NELL2: variants seen among roughly 807,000 people sequenced by gnomAD.
The protein encoded by NELL2 is neural EGFL like 2.
A neutral mutation model predicts 109.6 loss-of-function variants in NELL2; 41 were observed. The observed-to-expected ratio is 0.37, with a 90% confidence interval of 0.29 to 0.49. The LOEUF (loss-of-function observed/expected upper bound fraction) is 0.49. NELL2 is among the 20% of genes least tolerant of loss of function. NELL2 has a pLI of 0.98. For missense variants in NELL2, 900 were observed against 1,008.3 expected, an observed-to-expected ratio of 0.89 and a Z score of 1.45; for synonymous variants, 355 against 344.7, an observed-to-expected ratio of 1.03 and a Z score of -0.33.
intron 9 of NELL2, among the ~76,000 whole-genome samples, chr12:44,736,437 TA>T (rs939360259): frequency 4.6e-5 from 7 of 152,110 alleles, no homozygotes; most frequent in African/African-American, 1.7e-4. Context: ...TCTAGCATTC[TA>T]AAGGGCAAAG....
intron 13 of NELL2, among the ~76,000 whole-genome samples, chr12:44,656,924 T>G (rs887324232): frequency 6.6e-6 from 1 of 152,202 alleles, no homozygotes; most frequent in Admixed American, 6.5e-5. Context: ...GGAAGAAGAA[T>G]AAAAACAATA....
intron 15 of NELL2, among the ~76,000 whole-genome samples, chr12:44,565,834 A>T (rs1394244427): frequency 6.6e-6 from 1 of 152,188 alleles, no homozygotes; most frequent in East Asian, 1.9e-4. Context: ...GTGGGGAAGG[A>T]ATGGGAAACG....
At chr12:44,546,146 T>C (rs1158119509) in intron 15 of NELL2, among the ~76,000 whole-genome samples, 1 of 152,148 alleles carries the variant, frequency 6.6e-6, no homozygotes, top group Non-Finnish European at 1.5e-5. Context: ...CTATTCTGTA[T>C]TTATTTGCAA....
chr12:44,652,022 A>G (rs992359839), intron 13 of NELL2, among the ~76,000 whole-genome samples: 1 of 152,158 alleles, frequency 6.6e-6, no homozygotes, highest in African/African-American at 2.4e-5. Context: ...TGAATTTTTA[A>G]GTGTTGAATC....
At position 44,610,986 on chromosome 12, in the gene NELL2, C is replaced by A; in HGVS notation, c.1445-16G>T. 2 of 1,609,568 alleles carry A rather than the reference C, an allele frequency of 1.2e-6. No individual in the cohort carries two copies. The highest frequency in any genetic ancestry group is 1.1e-5 in the South Asian group (1 of 90,974). ...TCATCATGTTCTGAAATGAGGAATA[C>A]AATTTTGTTACTCAAAGTTATATTT... On this transcript the variant is annotated splice_polypyrimidine_tract_variant and intron_variant, in intron 13 of 19. Transcript: ENST00000429094.
rs145147866 is a variant in NELL2, at chr12:44,636,465, G to A, written c.1445-25495C>T. Among the ~76,000 whole-genome samples, 41 of 152,026 alleles carry A rather than the reference G, an allele frequency of 2.7e-4. 1 individual carries two copies. The East Asian group carries it at 6.2e-3, about 23-fold the overall frequency. ...ATTTTGAGATATGTTTCATCAATACGTGGTTTATTGAGAGTTTTTAGCATA... is the reference window on the plus strand; with the variant it reads ...ATTTTGAGATATGTTTCATCAATACATGGTTTATTGAGAGTTTTTAGCATA... On this transcript the variant is annotated intron_variant, in intron 13 of 19. Transcript: ENST00000429094.
chr12:44,908,981 A>G (rs1000968120), intron 1 of NELL2, among the ~76,000 whole-genome samples: 1 of 152,094 alleles, frequency 6.6e-6, no homozygotes, highest in African/African-American at 2.4e-5. Context: ...GTCACAGAAC[A>G]CATAAGAACA....
At chr12:44,848,027 T>C (rs1337966127) in intron 2 of NELL2, among the ~76,000 whole-genome samples, 1 of 125,934 alleles carries the variant, frequency 7.9e-6, no homozygotes, top group African/African-American at 3.1e-5. Context: ...TGAAACTCTG[T>C]CTCAAAAAAA....
At chr12:44,894,097 A>C (rs1945566831) in intron 1 of NELL2, among the ~76,000 whole-genome samples, 1 of 152,232 alleles carries the variant, frequency 6.6e-6, no homozygotes, top group African/African-American at 2.4e-5. Context: ...TTAGGAGATT[A>C]AAATGGAGAA....
intron 2 of NELL2, among the ~76,000 whole-genome samples, chr12:44,864,330 T>A (rs1342445012): frequency 1.3e-5 from 2 of 151,916 alleles, no homozygotes; most frequent in Non-Finnish European, 2.9e-5. Context: ...TATAAGAGAC[T>A]CACTTCACTT....
intron 15 of NELL2, among the ~76,000 whole-genome samples, chr12:44,536,361 T>G (rs1376577527): frequency 6.6e-6 from 1 of 152,072 alleles, no homozygotes; most frequent in Non-Finnish European, 1.5e-5. Context: ...TGAAGTATGC[T>G]CATATTGTGT....
chr12:44,587,490 C>T (rs180736125), intron 15 of NELL2, among the ~76,000 whole-genome samples: 5 of 151,678 alleles, frequency 3.3e-5, no homozygotes, highest in Admixed American at 1.3e-4. Context: ...ATTTTCATAG[C>T]TTGGCCAAGG....
chr12:44,659,842 C>T (rs1947674704), intron 13 of NELL2, among the ~76,000 whole-genome samples: 1 of 151,938 alleles, frequency 6.6e-6, no homozygotes, highest in South Asian at 2.1e-4. Flanking sequence ...CTTTATAAAC[C>T]TCCTATGATA....
intron 9 of NELL2, among the ~76,000 whole-genome samples, chr12:44,718,524 T>C (rs1386465572): frequency 2.6e-5 from 4 of 152,240 alleles, no homozygotes; most frequent in Non-Finnish European, 5.9e-5. Context: ...TGTGTATATG[T>C]GAGTGAGTGT....
chr12:44,522,167 C>T lies in NELL2; in HGVS notation c.2008G>A (p.Val670Ile), dbSNP rs747987094. 8.7e-6 allele frequency: 14 copies of T among 1,612,258 alleles called. No homozygotes were observed. The highest frequency in any genetic ancestry group is 7.7e-5 in the South Asian group (7 of 90,624). The change falls in exon 18 of 20, where the codon GTT becomes ATT. Residue 670 changes from valine (V) to isoleucine (I), a missense_variant. This residue lies in a region of NELL2 where 333 missense variants were observed against 432.3 expected (regional missense o/e 0.77). Transcript: ENST00000429094. ...TCACAGACCATCCGTCGACACATAA[C>T]GAATCCATTCTGTATGAAAAAGAAA... ...CSVCSCQNGF[V>I]MCRRMVCDCE...
At chr12:44,602,125 G>T (rs1173491093) in intron 15 of NELL2, among the ~76,000 whole-genome samples, 2 of 151,876 alleles carry the variant, frequency 1.3e-5, no homozygotes, top group Admixed American at 1.3e-4. Context: ...TTTTATAACA[G>T]AAAAAGAATC....
chr12:44,710,013 C>G (rs1265358381), intron 11 of NELL2, among the ~76,000 whole-genome samples: 6 of 152,164 alleles, frequency 3.9e-5, no homozygotes, highest in Admixed American at 3.3e-4. Context: ...GCAGGTTACC[C>G]TGAAAGCTCC....
At chr12:44,607,066 G>T in intron 15 of NELL2, 103 bp downstream of exon 15, 1 of 953,990 alleles carries the variant, frequency 1.0e-6, no homozygotes, top group Non-Finnish European at 1.5e-6. Context: ...ATAGCTCCAT[G>T]CTTTGAGAGC....
At chr12:44,817,094 CCTT>C (rs1378333509) in intron 2 of NELL2, among the ~76,000 whole-genome samples, 1 of 152,162 alleles carries the variant, frequency 6.6e-6, no homozygotes, top group Non-Finnish European at 1.5e-5. Context: ...AGAGGACAAT[CCTT>C]CTTTGTGCAG....
Sources: gnomAD v4.1 joint callset for allele counts (sites outside exome capture counted in the v4.1 genomes callset) on GRCh38, gnomAD v4.1.1 for gene constraint, gnomAD v4.1.1 regional missense constraint, MANE v1.5 for transcripts, NCBI Gene and HGNC (gene_info 2026-07-23, HGNC 2026-07-21) for gene names.